The following ATP6V0A1 variants were observed in gnomAD, a reference collection of about 807,000 sequenced individuals.
ATP6V0A1 encodes the protein V-type proton ATPase 116 kDa subunit a 1.
A neutral mutation model predicts 105.4 loss-of-function variants in ATP6V0A1; 43 were observed. The ratio of observed to expected loss-of-function variants is 0.41; its 90% confidence interval spans 0.32 to 0.53. The LOEUF (loss-of-function observed/expected upper bound fraction) is 0.53, where lower values mean the gene tolerates loss of function less well. ATP6V0A1 is among the 20% of genes least tolerant of loss of function. ATP6V0A1 has a pLI of 0.30. For synonymous variants in ATP6V0A1, 362 were observed against 372.8 expected (o/e 0.97, Z 0.33); for missense variants, 676 against 1,051.1 (o/e 0.64, Z 4.93).
rs556953672 is a variant in ATP6V0A1 at position 42,486,690 on chromosome 17, T to C, written c.811-465T>C. On this transcript the variant is annotated intron_variant, in intron 9 of 21. Transcript: ENST00000343619. Reference sequence around the variant, plus strand: ...GGCGTCTCCTGGCCCATGTTCCCAGTGTAGGCTGGTGGTGGTATTCAGCAC... The same window carrying C: ...GGCGTCTCCTGGCCCATGTTCCCAGCGTAGGCTGGTGGTGGTATTCAGCAC... 5.3e-5 allele frequency among the ~76,000 whole-genome samples: 8 copies of C among 152,292 alleles called. No individual in the cohort carries two copies. In the East Asian group the frequency reaches 9.7e-4, roughly 18 times the overall value.
intron 17 of ATP6V0A1, among the ~76,000 whole-genome samples, chr17:42,506,997 G>GT (rs1427138531): frequency 6.6e-6 from 1 of 152,138 alleles, no homozygotes; most frequent in Non-Finnish European, 1.5e-5. Context: ...GAAGCTTTTT[G>GT]TTCCTGGGCA....
At chr17:42,467,191 T>C (rs1804613042) in intron 3 of ATP6V0A1, among the ~76,000 whole-genome samples, 1 of 152,056 alleles carries the variant, frequency 6.6e-6, no homozygotes, top group Admixed American at 6.5e-5. Flanking sequence ...TAAGTTCTCT[T>C]GAGGGCTAGG....
chr17:42,480,871 AT>A, intron 8 of ATP6V0A1, 122 bp downstream of exon 8: 1 of 795,694 alleles, frequency 1.3e-6, no homozygotes, highest in Non-Finnish European at 1.9e-6. Flanking sequence ...AATTTTAATA[AT>A]GTTAGGGGCT....
At chr17:42,505,975 A>G (rs1460480230) in intron 17 of ATP6V0A1, among the ~76,000 whole-genome samples, 1 of 151,962 alleles carries the variant, frequency 6.6e-6, no homozygotes, top group Non-Finnish European at 1.5e-5. Flanking sequence ...TTTAGTAGAG[A>G]CGGGGTTTCG....
intron 5 of ATP6V0A1, among the ~76,000 whole-genome samples, chr17:42,474,097 G>C (rs1167737328): frequency 1.3e-5 from 2 of 151,788 alleles, no homozygotes; most frequent in African/African-American, 4.8e-5. Context: ...CCGCCTCCCG[G>C]GTTCAAGCGA....
In ATP6V0A1 at chr17:42,483,805, C is replaced by T. The variant is rs573926985; in HGVS notation, c.810+674C>T. 7.2e-5 allele frequency among the ~76,000 whole-genome samples: 11 copies of T among 152,278 alleles called. No homozygotes were observed. In the South Asian group the frequency reaches 1.7e-3, roughly 23 times the overall value. On this transcript the variant is annotated intron_variant, in intron 9 of 21. Transcript: ENST00000343619. ...CCATGTTGGCCAGGCTGGTCTCAAA[C>T]GCCTGACCTCAAGTGATCCTCCCAC... is the stretch of plus-strand genomic sequence containing the variant.
chr17:42,478,675 G>A (rs2089088245), intron 7 of ATP6V0A1, 86 bp downstream of exon 7: 1 of 1,362,784 alleles, frequency 7.3e-7, no homozygotes, highest in Non-Finnish European at 9.7e-7. Flanking sequence ...CCTGAATCCA[G>A]TGCTTCCACA....
intron 14 of ATP6V0A1, 152 bp from the exon 15 acceptor site, chr17:42,498,772 G>A: frequency 6.1e-6 from 3 of 491,422 alleles, no homozygotes; most frequent in Non-Finnish European, 1.1e-5. Context: ...CTTGCAGTGA[G>A]CTGAGATCAC....
rs768893185 is a variant in ATP6V0A1, at chr17:42,494,458, G to A, written c.1299G>A (p.Gln433=). 3.1e-6 allele frequency: 5 copies of A among 1,612,608 alleles called. No individual in the cohort carries two copies. The South Asian group carries it at 4.4e-5, about 14-fold the overall frequency. ...TGAGGGAGAGCCGGATCCTTTCCCA[G>A]AAGAATGAGAATGAGGTAATGTTTA... ...MVLRESRILS[Q]KNENEMFSTV... The change falls in exon 12 of 22, where the codon CAG becomes CAA. Residue 433 remains glutamine (Q), a synonymous_variant. Coordinates refer to ENST00000343619, the MANE Select transcript of ATP6V0A1 (RefSeq NM_001130021.3).
chr17:42,497,727 A>G (rs59690158), intron 14 of ATP6V0A1, among the ~76,000 whole-genome samples: 1,581 of 150,808 alleles, frequency 0.01, 39 homozygotes, highest in African/African-American at 0.037. Context: ...TGATGACAAT[A>G]TTGTGGTCAT....
In ATP6V0A1 at chr17:42,495,731, T is replaced by C. The variant is rs780494962; in HGVS notation, c.1560+15T>C. The C allele has an allele frequency of 6.3e-7, 1 of 1,594,752 alleles. No homozygotes were observed. The highest frequency in any genetic ancestry group is 1.7e-5 in the Admixed American group (1 of 59,920). ...GCATTGATCCAGTAAGAGGACTTCC[T>C]TCCTATATGCTAACCTCAAATTTTT... is the stretch of plus-strand genomic sequence containing the variant. On this transcript the variant is annotated intron_variant, in intron 14 of 21. Transcript: ENST00000343619.
chr17:42,500,454 C>G (rs2091578346), intron 15 of ATP6V0A1, among the ~76,000 whole-genome samples: 1 of 152,178 alleles, frequency 6.6e-6, no homozygotes, highest in Non-Finnish European at 1.5e-5. Context: ...GTACTCCAGG[C>G]TGGGTAGCAG....
chr17:42,491,996 CA>C (rs1315682903), intron 11 of ATP6V0A1, among the ~76,000 whole-genome samples: 1 of 152,314 alleles, frequency 6.6e-6, no homozygotes, highest in African/African-American at 2.4e-5. Flanking sequence ...TCAGCCTGGG[CA>C]ACATAGTGAG....
chr17:42,480,991 G>A (rs2089429939), intron 8 of ATP6V0A1: 1 of 294,590 alleles, frequency 3.4e-6, no homozygotes, highest in East Asian at 8.1e-5. Flanking sequence ...GCATGATCAC[G>A]GCTCACGGCA....
chr17:42,488,287 A>G (rs776444473), intron 10 of ATP6V0A1, among the ~76,000 whole-genome samples: 3 of 152,238 alleles, frequency 2.0e-5, no homozygotes, highest in Non-Finnish European at 2.9e-5. Flanking sequence ...GGACAAGAAC[A>G]GGATTTACAG....
chr17:42,484,106 GGAGTGCAGTGGCGC>G (rs1452556609), intron 9 of ATP6V0A1, among the ~76,000 whole-genome samples: 1 of 152,092 alleles, frequency 6.6e-6, no homozygotes, highest in African/African-American at 2.4e-5. Flanking sequence ...CACCCAGGCT[GGAGTGCAGTGGCGC>G]GATCTCGGCT....
chr17:42,459,875 C>T (rs573578256), intron 1 of ATP6V0A1, among the ~76,000 whole-genome samples: 3 of 152,326 alleles, frequency 2.0e-5, no homozygotes, highest in Admixed American at 6.5e-5. Context: ...TGATGTCAGA[C>T]TCATCTATCA....
intron 17 of ATP6V0A1, among the ~76,000 whole-genome samples, chr17:42,504,500 G>A (rs1447585675): frequency 1.3e-5 from 2 of 152,054 alleles, no homozygotes; most frequent in African/African-American, 4.8e-5. Context: ...CCCAGCCGAG[G>A]TTATGCAGGA....
At position 42,495,188 on chromosome 17, in the gene ATP6V0A1, C is replaced by T. The variant is rs1294855964; in HGVS notation, c.1469C>T (p.Thr490Ile). 2.5e-6 allele frequency: 4 copies of T among 1,613,032 alleles called. No individual in the cohort carries two copies. Among genetic ancestry groups the T allele is most frequent in the East Asian group, 2.2e-5 (1 of 44,866 alleles). ...CGGCCGATGTTTACTTATAATTGGA[C>T]GTAAGTTGCAGAAGAAGCTAAAATT... ...SVRPMFTYNW[T>I]EETLRGNPVL... is the part of the protein sequence containing the mutation. The change falls in exon 13 of 22, where the codon ACT becomes ATT. Residue 490 changes from threonine to isoleucine, a missense_variant and splice_region_variant. Physicochemically the swap from Thr to Ile is moderately conservative, Grantham distance 89 (BLOSUM62 -1). Transcript: ENST00000343619.
Sources: gnomAD v4.1 joint callset for allele counts (sites outside exome capture counted in the v4.1 genomes callset) on GRCh38, gnomAD v4.1.1 for gene constraint, MANE v1.5 for transcripts, NCBI Gene and HGNC (gene_info 2026-07-23, HGNC 2026-07-21) for gene names.